The following NEK5 variants were observed in gnomAD, a reference collection of about 807,000 sequenced individuals.
NEK5 encodes the protein NIMA related kinase 5.
In NEK5, 88 loss-of-function variants were observed where a neutral mutation model predicts 109.2. The observed-to-expected ratio is 0.81, with a 90% CI of 0.68 to 0.96. NEK5 has a LOEUF of 0.96. Among genes scored for constraint, NEK5 ranks in the 40% least tolerant of loss-of-function variants. The probability of loss-of-function intolerance (pLI) is 0.00; values close to 1 mark genes in which losing one functional copy is unlikely to be tolerated. For missense variants in NEK5, 834 were observed against 920.7 expected (o/e 0.91, Z 1.22); for synonymous variants, 283 against 299.9 (o/e 0.94, Z 0.58).
chr13:52,099,168 A>G (rs973653016), intron 12 of NEK5, among the ~76,000 whole-genome samples: 2 of 152,120 alleles, frequency 1.3e-5, no homozygotes, highest in African/African-American at 4.8e-5. Context: ...AAAACATCTC[A>G]TATACCCCAT....
chr13:52,066,502 C>T (rs1954692751), intron 20 of NEK5, among the ~76,000 whole-genome samples: 1 of 151,398 alleles, frequency 6.6e-6, no homozygotes, highest in Admixed American at 6.6e-5. Context: ...ATAGCTCTTC[C>T]CTGTTCAAAA....
intron 12 of NEK5, among the ~76,000 whole-genome samples, chr13:52,094,927 T>C (rs188343777): frequency 1.3e-5 from 2 of 152,328 alleles, no homozygotes; most frequent in Non-Finnish European, 2.9e-5. Context: ...TCTTTTCTTT[T>C]TAAATTCTGA....
At chr13:52,037,819 A>G (rs1954375151) in intron 23 of NEK5, among the ~76,000 whole-genome samples, 1 of 152,040 alleles carries the variant, frequency 6.6e-6, no homozygotes, top group Non-Finnish European at 1.5e-5. Flanking sequence ...GCTACTCGGG[A>G]GGCTGAGGCA....
intron 20 of NEK5, among the ~76,000 whole-genome samples, chr13:52,067,404 C>T (rs937206630): frequency 1.3e-5 from 2 of 152,172 alleles, no homozygotes; most frequent in Admixed American, 6.5e-5. Context: ...GATAAGGGAA[C>T]TAGCACAGGA....
In NEK5 at chr13:52,076,204, G is replaced by A. The variant is rs371272844; in HGVS notation, c.1573-61C>T. 4.1e-5 allele frequency: 35 copies of A among 858,178 alleles called. 1 individual carries two copies. Among genetic ancestry groups the A allele is most frequent in the African/African-American group, 1.7e-4 (10 of 57,484 alleles). The allele number at this position is 858,178 out of a possible 1,614,324, so 53.2% of individuals were successfully genotyped here. ...TATGTTTACATGAGTTGATTTCTGC[G>A]TTAAATCTGATGATTGATTTAATAA... On this transcript the variant is annotated intron_variant, in intron 17 of 23. Coordinates refer to ENST00000684899, the MANE Select transcript of NEK5 (RefSeq NM_001365552.1).
intron 17 of NEK5, among the ~76,000 whole-genome samples, chr13:52,081,206 T>A (rs1955006366): frequency 6.6e-6 from 1 of 152,188 alleles, no homozygotes; most frequent in Admixed American, 6.5e-5. Flanking sequence ...TTTTAAAGTG[T>A]CTTATTATAT....
At chr13:52,041,389 A>T (rs1471344491) in intron 23 of NEK5, among the ~76,000 whole-genome samples, 1 of 152,186 alleles carries the variant, frequency 6.6e-6, no homozygotes, top group African/African-American at 2.4e-5. Context: ...GGCATGAAAT[A>T]TATAATCATT....
chr13:52,055,940 C>A (rs189266268), intron 22 of NEK5, among the ~76,000 whole-genome samples: 1 of 151,462 alleles, frequency 6.6e-6, no homozygotes, highest in Admixed American at 6.6e-5. Context: ...CAAATTCACA[C>A]ATAACAATAT....
intron 20 of NEK5, 105 bp from the exon 21 acceptor site, chr13:52,065,714 C>G: frequency 1.3e-6 from 1 of 742,150 alleles, no homozygotes; most frequent in Non-Finnish European, 2.3e-6. Context: ...CAGGTATGTT[C>G]AAAACCAGAA....
At chr13:52,102,334 T>G (rs1955556884) in intron 9 of NEK5, 42 bp from the exon 10 acceptor site, 2 of 1,437,460 alleles carry the variant, frequency 1.4e-6, no homozygotes, top group Admixed American at 1.7e-5. Context: ...AGAGAAAAGT[T>G]ACTAAAGTAA....
intron 21 of NEK5, among the ~76,000 whole-genome samples, chr13:52,063,046 G>A (rs1030201274): frequency 1.3e-5 from 2 of 149,568 alleles, no homozygotes; most frequent in Admixed American, 1.3e-4. Flanking sequence ...TCTCCCCACG[G>A]TCCCCCTCTC....
Position 52,065,492 on chromosome 13 carries a change from C to A in NEK5, c.1967G>T (p.Gly656Val). The A allele has an allele frequency of 6.2e-7, 1 of 1,614,118 alleles. No individual in the cohort carries two copies. The highest frequency in any genetic ancestry group is 1.7e-5 in the Admixed American group (1 of 60,022). The change falls in exon 21 of 24, where the codon GGG becomes GTG. Residue 656 changes from glycine to valine, a missense_variant. Coordinates refer to ENST00000684899, the MANE Select transcript of NEK5 (RefSeq NM_001365552.1). ...GCTAAGCACAGACTCACTGTCAGGC[C>A]CCGTGGGGCAGGTGGAGGTGATGTC... ...VADITSTCPTGPDNGQVIVIE... is the reference protein window; with the variant it reads ...VADITSTCPTVPDNGQVIVIE...
intron 22 of NEK5, among the ~76,000 whole-genome samples, chr13:52,054,726 G>A (rs992748109): frequency 6.6e-6 from 1 of 152,230 alleles, no homozygotes; most frequent in African/African-American, 2.4e-5. Flanking sequence ...CAACAGACCT[G>A]CAGCTGAGGG....
intron 4 of NEK5, among the ~76,000 whole-genome samples, chr13:52,115,623 AAAAAG>A (rs1290393056): frequency 6.6e-6 from 1 of 150,660 alleles, no homozygotes; most frequent in Non-Finnish European, 1.5e-5. Flanking sequence ...AAAAAAAAAA[AAAAAG>A]AAACTACTTA....
At chr13:52,120,542 G>A (rs908199054) in intron 3 of NEK5, among the ~76,000 whole-genome samples, 3 of 148,668 alleles carry the variant, frequency 2.0e-5, no homozygotes, top group African/African-American at 4.9e-5. Flanking sequence ...TAGTCAACTC[G>A]AAAAAAAAAG....
In NEK5 at chr13:52,108,370, GT is replaced by G. The variant is rs775690255; in HGVS notation, c.501del (p.Pro168LeufsTer47). 1 of 1,610,918 alleles carries G rather than the reference GT, an allele frequency of 6.2e-7. No homozygotes were observed. Among genetic ancestry groups the G allele is most frequent in the Non-Finnish European group, 8.5e-7 (1 of 1,177,654 alleles). Reference sequence around the variant, plus strand: ...CAGATCTCTGGGGACAGGTAGTAAGGTGTTCCAATACAAGTTCGAGCAAGTT... The same window carrying G: ...CAGATCTCTGGGGACAGGTAGTAAGGGTTCCAATACAAGTTCGAGCAAGTT... Reference protein sequence around the residue: ...SMELARTCIGTPYYLSPEICQ... With the variant: ...SMELARTCIGXPYYLSPEICQ... On this transcript the variant is annotated frameshift_variant, in exon 8 of 24. Transcript: ENST00000684899. LOFTEE classifies it high-confidence loss of function.
In NEK5 at chr13:52,104,422, C is replaced by A. The variant is rs1955608483; in HGVS notation, c.609+76G>T. On this transcript the variant is annotated intron_variant, in intron 9 of 23. Coordinates refer to ENST00000684899, the MANE Select transcript of NEK5 (RefSeq NM_001365552.1). ...ACAATCTAATAAAACCAAACATTAACCTTTTTCTCCCAGAAGTTAATTTCT... is the reference window on the plus strand; with the variant it reads ...ACAATCTAATAAAACCAAACATTAAACTTTTTCTCCCAGAAGTTAATTTCT... 3 of 1,033,294 alleles carry A rather than the reference C, an allele frequency of 2.9e-6. No homozygotes were observed. The East Asian group carries it at 7.1e-5, about 25-fold the overall frequency. 64.0% of individuals were successfully genotyped at this position (1,033,294 alleles called of 1,614,324 possible). A position where few individuals can be genotyped will look rare whatever the true frequency, so the allele number is the denominator to read the frequency against.
chr13:52,089,301 G>A lies in NEK5; in HGVS notation c.1221C>T (p.Tyr407=). 6.2e-7 allele frequency: 1 copy of A among 1,604,902 alleles called. No individual in the cohort carries two copies. The highest frequency in any genetic ancestry group is 8.5e-7 in the Non-Finnish European group (1 of 1,172,306). ...GTTGAGCTTCAAATTTTCTCTGAAG[G>A]TACTCAGCAGGCCTTAGAAAATAAG... ...GPSPSQWPAE[Y]LQRKFEAQQY... Residue 407 remains tyrosine (Y), a synonymous_variant, in exon 14 of 24, where the codon TAC becomes TAT. Coordinates refer to ENST00000684899, the MANE Select transcript of NEK5 (RefSeq NM_001365552.1).
chr13:52,094,698 C>T (rs566093916), intron 12 of NEK5, among the ~76,000 whole-genome samples: 7 of 152,226 alleles, frequency 4.6e-5, no homozygotes, highest in South Asian at 2.1e-4. Context: ...GGCACAAACC[C>T]GGGAGGCGGA....
Sources: gnomAD v4.1 joint callset for allele counts (sites outside exome capture counted in the v4.1 genomes callset) on GRCh38, gnomAD v4.1.1 for gene constraint, MANE v1.5 for transcripts, NCBI Gene and HGNC (gene_info 2026-07-23, HGNC 2026-07-21) for gene names.